Variants in GRIK4 observed in about 807,000 individuals in gnomAD.
GRIK4 encodes the protein glutamate receptor ionotropic, kainate 4.
Under a neutral mutation model 104.9 loss-of-function variants are expected in GRIK4, and 40 were observed. The observed-to-expected ratio is 0.38, with a 90% confidence interval of 0.30 to 0.50. The LOEUF (loss-of-function observed/expected upper bound fraction) is 0.50. GRIK4 is among the 20% of genes least tolerant of loss of function. GRIK4 has a pLI of 0.93. For missense variants in GRIK4, 1,047 were observed against 1,308.1 expected, an observed-to-expected ratio of 0.80 and a Z score of 3.08; for synonymous variants, 485 against 524.9, an observed-to-expected ratio of 0.92 and a Z score of 1.04.
In GRIK4 at chr11:120,590,335, C is replaced by T. The variant is rs528532964; in HGVS notation, c.-158-63350C>T. ...TTCATTCTGCCTGGGCAGAACATTTCCTCCCAGCCACAGGCTTTGTCTGAA... is the reference window on the plus strand; with the variant it reads ...TTCATTCTGCCTGGGCAGAACATTTTCTCCCAGCCACAGGCTTTGTCTGAA... On this transcript the variant is annotated intron_variant, in intron 1 of 20. Coordinates refer to ENST00000527524, the MANE Select transcript of GRIK4 (RefSeq NM_014619.5). Among the ~76,000 whole-genome samples, 7 of 152,340 alleles carry T rather than the reference C, an allele frequency of 4.6e-5. No homozygotes were observed. The South Asian group carries it at 1.0e-3, about 23-fold the overall frequency.
intron 1 of GRIK4, among the ~76,000 whole-genome samples, chr11:120,517,457 C>T (rs1947743854): frequency 1.3e-5 from 2 of 148,568 alleles, no homozygotes; most frequent in Admixed American, 1.3e-4. Context: ...CCCAGGGAGG[C>T]CATGGGCAGG....
At chr11:120,818,894 G>A (rs564476835) in intron 5 of GRIK4, among the ~76,000 whole-genome samples, 57 of 152,292 alleles carry the variant, frequency 3.7e-4, no homozygotes, top group African/African-American at 1.3e-3. Flanking sequence ...GACACCAGGG[G>A]TGAGAGTGGA....
chr11:120,977,108 C>T (rs513548), intron 19 of GRIK4, among the ~76,000 whole-genome samples: 114,832 of 152,098 alleles, frequency 0.75, 43,544 homozygotes, highest in Admixed American at 0.81. Context: ...AAAATATTTG[C>T]GGGCAATCTG....
intron 4 of GRIK4, among the ~76,000 whole-genome samples, chr11:120,810,220 G>T (rs1467569907): frequency 1.3e-5 from 2 of 152,168 alleles, no homozygotes; most frequent in African/African-American, 4.8e-5. Flanking sequence ...ATCAGATTTT[G>T]CCAACAACTG....
intron 16 of GRIK4, among the ~76,000 whole-genome samples, chr11:120,960,338 A>T (rs752512588): frequency 5.7e-4 from 87 of 152,326 alleles, no homozygotes; most frequent in Non-Finnish European, 9.0e-4. Flanking sequence ...AAAAAAAAAC[A>T]AAGAATGTAT....
intron 13 of GRIK4, among the ~76,000 whole-genome samples, chr11:120,909,095 G>A (rs1229516885): frequency 2.0e-5 from 3 of 152,254 alleles, no homozygotes; most frequent in East Asian, 1.9e-4. Flanking sequence ...ACCATGGGCC[G>A]GGCCAGGCCA....
At chr11:120,868,849 T>C (rs1364731905) in intron 9 of GRIK4, 2 of 152,054 alleles carry the variant, frequency 1.3e-5, no homozygotes, top group Admixed American at 1.3e-4. Context: ...CTTCCCAAAG[T>C]GCTGAGATTA....
chr11:120,981,797 C>A (rs1015056732), intron 19 of GRIK4, among the ~76,000 whole-genome samples: 1 of 152,088 alleles, frequency 6.6e-6, no homozygotes, highest in African/African-American at 2.4e-5. Flanking sequence ...AGAGTTTGCC[C>A]GAGCCCTTTT....
At chr11:120,800,043 G>A (rs1402961651) in intron 3 of GRIK4, among the ~76,000 whole-genome samples, 1 of 150,422 alleles carries the variant, frequency 6.6e-6, no homozygotes, top group African/African-American at 2.5e-5. Flanking sequence ...TAGTAGAGAC[G>A]AGGTTTCTCC....
At chr11:120,791,563 T>C (rs1952394699) in intron 3 of GRIK4, among the ~76,000 whole-genome samples, 1 of 152,230 alleles carries the variant, frequency 6.6e-6, no homozygotes, top group African/African-American at 2.4e-5. Context: ...CTATGGCTTG[T>C]CTTTCATTCC....
At chr11:120,621,551 G>T (rs77694974) in intron 1 of GRIK4, among the ~76,000 whole-genome samples, 5,136 of 152,258 alleles carry the variant, frequency 0.034, 134 homozygotes, top group South Asian at 0.12. Context: ...GCCATCAGGA[G>T]CCAGAAAGAG....
chr11:120,612,233 T>C (rs1416749998), intron 1 of GRIK4, among the ~76,000 whole-genome samples: 1 of 152,188 alleles, frequency 6.6e-6, no homozygotes, highest in African/African-American at 2.4e-5. Flanking sequence ...GGTCCATCTA[T>C]AGTAGACTTT....
At chr11:120,825,341 G>C (rs1953229719) in intron 6 of GRIK4, among the ~76,000 whole-genome samples, 1 of 152,142 alleles carries the variant, frequency 6.6e-6, no homozygotes, top group South Asian at 2.1e-4. Context: ...CTCTACCTCT[G>C]TTGTCTCATG....
In GRIK4 at chr11:120,877,399, G is replaced by A. The variant is rs530064760; in HGVS notation, c.1164+2156G>A. 2.3e-4 allele frequency among the ~76,000 whole-genome samples: 35 copies of A among 152,246 alleles called. No homozygotes were observed. The South Asian group carries it at 6.4e-3, about 28-fold the overall frequency. ...TCCAGGGAGCCTGACATAGAAAACC[G>A]TAAGTGCAAATGTGGGTTATTACAC... On this transcript the variant is annotated intron_variant, in intron 11 of 20. Transcript: ENST00000527524.
intron 8 of GRIK4, among the ~76,000 whole-genome samples, chr11:120,843,119 G>A (rs1953758175): frequency 6.6e-6 from 1 of 152,254 alleles, no homozygotes; most frequent in African/African-American, 2.4e-5. Context: ...AATGAAAGAT[G>A]GGAAATAATT....
At chr11:120,897,591 G>C (rs1285295988) in intron 11 of GRIK4, among the ~76,000 whole-genome samples, 1 of 6,104 alleles carries the variant, frequency 1.6e-4, no homozygotes, top group Non-Finnish European at 5.0e-4. Flanking sequence ...GACAGAACAA[G>C]ACTCCTTCTC....
At chr11:120,888,356 A>C (rs555246762) in intron 11 of GRIK4, among the ~76,000 whole-genome samples, 2 of 152,226 alleles carry the variant, frequency 1.3e-5, no homozygotes, top group Admixed American at 1.3e-4. Flanking sequence ...TCAGAGCCTC[A>C]GTTTTCTTAT....
chr11:120,609,182 TTC>T (rs1949000578), intron 1 of GRIK4, among the ~76,000 whole-genome samples: 1 of 152,172 alleles, frequency 6.6e-6, no homozygotes, highest in African/African-American at 2.4e-5. Context: ...TCTCAGAGTT[TTC>T]TCTCTTTCCC....
chr11:120,720,114 C>G (rs1442738296), intron 3 of GRIK4, among the ~76,000 whole-genome samples: 1 of 151,990 alleles, frequency 6.6e-6, no homozygotes, highest in East Asian at 1.9e-4. Flanking sequence ...TGCCTTATAC[C>G]TAGAATGTGG....
Sources: allele counts gnomAD v4.1 joint callset (sites outside exome capture counted in the v4.1 genomes callset), GRCh38; gene constraint gnomAD v4.1.1; transcripts MANE v1.5; gene names NCBI Gene and HGNC (gene_info 2026-07-23, HGNC 2026-07-21).